The following MARCHF1 variants were observed in gnomAD, a reference collection of about 807,000 sequenced individuals.
MARCHF1 encodes E3 ubiquitin-protein ligase MARCHF1.
MARCHF1 carries 40 observed loss-of-function variants against 54.2 expected under a neutral mutation model. That is an observed-to-expected ratio of 0.74 (90% CI 0.57 to 0.96). The LOEUF (loss-of-function observed/expected upper bound fraction) is 0.96, where lower values mean the gene tolerates loss of function less well. MARCHF1 is among the 40% of genes least tolerant of loss of function. MARCHF1 has a pLI of 0.00. For synonymous variants in MARCHF1, 236 were observed against 236.3 expected (o/e 1.00, Z 0.01); for missense variants, 586 against 656.5 (o/e 0.89, Z 1.17).
At chr4:163,558,995 A>C (rs1739384645) in intron 8 of MARCHF1, among the ~76,000 whole-genome samples, 1 of 152,198 alleles carries the variant, frequency 6.6e-6, no homozygotes, top group Non-Finnish European at 1.5e-5. Flanking sequence ...TATGAGGACA[A>C]AATGTTCCCG....
intron 4 of MARCHF1, among the ~76,000 whole-genome samples, chr4:163,733,542 T>A (rs890782868): frequency 6.6e-6 from 1 of 151,358 alleles, no homozygotes; most frequent in Non-Finnish European, 1.5e-5. Flanking sequence ...GCCATGTTGG[T>A]GTGCTGCACT....
chr4:163,925,816 G>A (rs1242883700), intron 3 of MARCHF1, among the ~76,000 whole-genome samples: 1 of 151,538 alleles, frequency 6.6e-6, no homozygotes, highest in East Asian at 1.9e-4. Flanking sequence ...CTTAAAATAT[G>A]TGGACAGAAA....
chr4:163,612,018 C>A (rs553127280), intron 7 of MARCHF1, among the ~76,000 whole-genome samples: 34 of 152,128 alleles, frequency 2.2e-4, no homozygotes, highest in African/African-American at 7.7e-4. Flanking sequence ...CTGAGTCAGC[C>A]CCTTTACCAG....
At chr4:163,855,014 G>A (rs1749735370) in intron 3 of MARCHF1, among the ~76,000 whole-genome samples, 1 of 152,122 alleles carries the variant, frequency 6.6e-6, no homozygotes, top group African/African-American at 2.4e-5. Flanking sequence ...CAAAAATAAT[G>A]TGGAGTAATT....
intron 1 of MARCHF1, among the ~76,000 whole-genome samples, chr4:164,260,579 C>T (rs1285396873): frequency 6.6e-6 from 1 of 152,134 alleles, no homozygotes; most frequent in African/African-American, 2.4e-5. Context: ...ACATGACACA[C>T]AGCTGAAGTC....
intron 5 of MARCHF1, among the ~76,000 whole-genome samples, chr4:163,665,797 T>C (rs1447542999): frequency 1.3e-5 from 2 of 152,188 alleles, no homozygotes; most frequent in Non-Finnish European, 2.9e-5. Flanking sequence ...CCCATTTTAT[T>C]ATACATTTGT....
chr4:163,836,296 A>T (rs1208073303), intron 4 of MARCHF1, among the ~76,000 whole-genome samples: 1 of 150,938 alleles, frequency 6.6e-6, no homozygotes, highest in Non-Finnish European at 1.5e-5. Flanking sequence ...TCCAGGCTGG[A>T]GTGCAGTGGC....
At chr4:164,154,513 CCT>C (rs1730025656) in intron 1 of MARCHF1, among the ~76,000 whole-genome samples, 1 of 152,154 alleles carries the variant, frequency 6.6e-6, no homozygotes, top group South Asian at 2.1e-4. Flanking sequence ...AGGAGAGTTC[CCT>C]GACCCCCACT....
chr4:163,610,277 A>G (rs1283057417), intron 7 of MARCHF1, among the ~76,000 whole-genome samples: 1 of 152,038 alleles, frequency 6.6e-6, no homozygotes, highest in Middle Eastern at 3.2e-3. Flanking sequence ...GTCTTTTGCT[A>G]CTTTTTATCC....
intron 5 of MARCHF1, among the ~76,000 whole-genome samples, chr4:163,620,286 C>A (rs116430754): frequency 6.1e-4 from 93 of 151,300 alleles, no homozygotes; most frequent in African/African-American, 2.1e-3. Flanking sequence ...GGTGGGGAAG[C>A]CACGCGTTGC....
In MARCHF1 at chr4:164,279,820, CATT is replaced by C. The variant is rs538770360; in HGVS notation, c.-323+104047_-323+104049del. Among the ~76,000 whole-genome samples, 1,139 of 151,748 alleles carry C rather than the reference CATT, an allele frequency of 7.5e-3. 18 individuals carry two copies. Among genetic ancestry groups the C allele is most frequent in the African/African-American group, 0.025 (1,049 of 41,526 alleles). On this transcript the variant is annotated intron_variant, in intron 1 of 9. Transcript: ENST00000514618. ...GAAGAATATGAAACCTCTTCCTAATCATTATGTGTAATTACAATTACCTTAATA... is the reference window on the plus strand; with the variant it reads ...GAAGAATATGAAACCTCTTCCTAATCATGTGTAATTACAATTACCTTAATA...
In MARCHF1 at chr4:164,146,944, C is replaced by A. The variant is rs542346059; in HGVS notation, c.-322-35282G>T. Among the ~76,000 whole-genome samples, 952 of 150,012 alleles carry A rather than the reference C, an allele frequency of 6.3e-3. 4 individuals carry two copies. The highest frequency in any genetic ancestry group is 0.016 in the South Asian group (77 of 4,700). On this transcript the variant is annotated intron_variant, in intron 1 of 9. Transcript: ENST00000514618. Reference sequence around the variant, plus strand: ...ACTCCTCTGACAAAGGGCTAATATCCAGAATCTACAATGAACTCAAACAAA... The same window carrying A: ...ACTCCTCTGACAAAGGGCTAATATCAAGAATCTACAATGAACTCAAACAAA...
chr4:163,661,873 C>A (rs936610794), intron 5 of MARCHF1, among the ~76,000 whole-genome samples: 2 of 151,986 alleles, frequency 1.3e-5, no homozygotes, highest in African/African-American at 4.8e-5. Flanking sequence ...AATTACATAG[C>A]GTAGGACAGA....
intron 1 of MARCHF1, among the ~76,000 whole-genome samples, chr4:164,381,244 A>G (rs1731361479): frequency 6.6e-6 from 1 of 152,248 alleles, no homozygotes; most frequent in South Asian, 2.1e-4. Context: ...TAGGCAAAGT[A>G]TGTGTGAAAT....
intron 2 of MARCHF1, among the ~76,000 whole-genome samples, chr4:164,041,343 A>G (rs77958409): frequency 0.015 from 2,233 of 152,212 alleles, 48 homozygotes; most frequent in African/African-American, 0.048. Flanking sequence ...TTATATCTAG[A>G]CTTTTTATTA....
At chr4:163,907,295 A>G (rs905153558) in intron 3 of MARCHF1, among the ~76,000 whole-genome samples, 4 of 152,220 alleles carry the variant, frequency 2.6e-5, no homozygotes, top group Admixed American at 2.0e-4. Context: ...ATGTCTCAGT[A>G]AAAGGTTGTT....
At chr4:164,381,091 T>C (rs960222140) in intron 1 of MARCHF1, among the ~76,000 whole-genome samples, 2 of 152,226 alleles carry the variant, frequency 1.3e-5, no homozygotes, top group African/African-American at 2.4e-5. Flanking sequence ...TACTTCCCAG[T>C]GTCCTGACAT....
intron 4 of MARCHF1, among the ~76,000 whole-genome samples, chr4:163,845,382 T>C (rs928318900): frequency 6.6e-6 from 1 of 151,044 alleles, no homozygotes; most frequent in African/African-American, 2.4e-5. Context: ...ATAAAAACAT[T>C]CTCACAAAAC....
chr4:163,990,266 G>A (rs1486093089), intron 2 of MARCHF1, among the ~76,000 whole-genome samples: 2 of 152,096 alleles, frequency 1.3e-5, no homozygotes, highest in East Asian at 3.9e-4. Context: ...AGATCAGCTA[G>A]GGAGATTTTA....
Sources: allele counts gnomAD v4.1 joint callset (sites outside exome capture counted in the v4.1 genomes callset), GRCh38; gene constraint gnomAD v4.1.1; transcripts MANE v1.5; gene names NCBI Gene and HGNC (gene_info 2026-07-23, HGNC 2026-07-21).